The following SIPA1L2 variants were observed in gnomAD, a reference collection of about 807,000 sequenced individuals.
SIPA1L2 encodes signal-induced proliferation-associated 1-like protein 2.
SIPA1L2 carries 56 observed loss-of-function variants against 163.9 expected under a neutral mutation model. The observed-to-expected ratio is 0.34, with a 90% CI of 0.28 to 0.43. The LOEUF (loss-of-function observed/expected upper bound fraction) is 0.43, where lower values mean the gene tolerates loss of function less well. Among genes scored for constraint, SIPA1L2 ranks in the 20% least tolerant of loss-of-function variants. The pLI is 1.00. For synonymous variants in SIPA1L2, 877 were observed against 865.7 expected, an observed-to-expected ratio of 1.01 and a Z score of -0.23; for missense variants, 1,974 against 2,193.5, an observed-to-expected ratio of 0.90 and a Z score of 2.00.
chr1:232,498,243 G>T (rs1478431052), intron 3 of SIPA1L2, among the ~76,000 whole-genome samples: 1 of 152,116 alleles, frequency 6.6e-6, no homozygotes, highest in African/African-American at 2.4e-5. Context: ...CCTCAAGCAG[G>T]AATATCGAAA....
chr1:232,486,170 G>A (rs73095137), intron 5 of SIPA1L2, among the ~76,000 whole-genome samples: 1,601 of 152,230 alleles, frequency 0.011, 32 homozygotes, highest in African/African-American at 0.037. Flanking sequence ...GAGTAGAGCT[G>A]TTTGGGAGCC....
rs764448843 is a variant in SIPA1L2, at chr1:232,445,693, G to A, written c.3189C>T (p.Asn1063=). 6.8e-6 allele frequency: 11 copies of A among 1,613,526 alleles called. No individual in the cohort carries two copies. Among genetic ancestry groups the A allele is most frequent in the African/African-American group, 1.3e-5 (1 of 74,934 alleles). ...PCEYKTPFRR[N]TTWHRVPTPA... ...GAGTGGGCACCCGGTGCCACGTGGTGTTCCTCCTGAAGGGGGTTTTATACT... is the reference window on the plus strand; with the variant it reads ...GAGTGGGCACCCGGTGCCACGTGGTATTCCTCCTGAAGGGGGTTTTATACT... The change falls in exon 11 of 23, where the codon AAC becomes AAT. Residue 1063 remains asparagine (N), a synonymous_variant. Transcript: ENST00000674635.
chr1:232,443,899 C>T (rs1331452697), intron 11 of SIPA1L2, among the ~76,000 whole-genome samples: 1 of 152,046 alleles, frequency 6.6e-6, no homozygotes, highest in Non-Finnish European at 1.5e-5. Context: ...GCAATTTGTC[C>T]TAGGAAAGAG....
intron 3 of SIPA1L2, among the ~76,000 whole-genome samples, chr1:232,505,812 G>A (rs910539096): frequency 1.3e-5 from 2 of 152,126 alleles, no homozygotes; most frequent in Non-Finnish European, 1.5e-5. Context: ...GAACTCAGCC[G>A]ATTATGTCTT....
intron 1 of SIPA1L2, among the ~76,000 whole-genome samples, chr1:232,576,574 G>T (rs1403384382): frequency 6.6e-6 from 1 of 152,218 alleles, no homozygotes; most frequent in East Asian, 1.9e-4. Context: ...CAGCCTCTCC[G>T]TATTCAAGTA....
chr1:232,398,167 G>T lies in SIPA1L2; in HGVS notation c.*960C>A, dbSNP rs751918255. 16 of 152,688 alleles carry T rather than the reference G, an allele frequency of 1.0e-4. 1 individual carries two copies. The East Asian group carries it at 3.1e-3, about 29-fold the overall frequency. 9.5% of individuals were successfully genotyped at this position (152,688 alleles called of 1,614,324 possible). A position where few individuals can be genotyped will look rare whatever the true frequency, so the allele number is the denominator to read the frequency against. On this transcript the variant is annotated 3_prime_UTR_variant, in exon 23 of 23. Transcript: ENST00000674635. ...CCTGCAGCTACCTCCATCCCTCATC[G>T]TAGTGCAGGCCAAACCAAATTTTAT...
Position 232,532,333 on chromosome 1 carries a change from T to C in SIPA1L2, c.-269-16725A>G, listed in dbSNP as rs79245069. Among the ~76,000 whole-genome samples the C allele has an allele frequency of 2.7e-3, 414 of 152,294 alleles. 14 individuals carry two copies. In the East Asian group the frequency reaches 0.07, roughly 26 times the overall value. ...AGGATGAAGTTGACCTTTATTAAGATAGAGAAGATTGTAGAAGGGAGTAGC... is the reference window on the plus strand; with the variant it reads ...AGGATGAAGTTGACCTTTATTAAGACAGAGAAGATTGTAGAAGGGAGTAGC... On this transcript the variant is annotated intron_variant, in intron 2 of 22. Coordinates refer to ENST00000674635, the MANE Select transcript of SIPA1L2 (RefSeq NM_020808.5).
At chr1:232,595,619 G>A (rs1661219761) in intron 1 of SIPA1L2, among the ~76,000 whole-genome samples, 1 of 152,118 alleles carries the variant, frequency 6.6e-6, no homozygotes, top group Admixed American at 6.5e-5. Context: ...GTCATCTTTT[G>A]TGCTCCCCCA....
chr1:232,556,399 T>C (rs1658705119), intron 2 of SIPA1L2, among the ~76,000 whole-genome samples: 2 of 152,200 alleles, frequency 1.3e-5, no homozygotes, highest in South Asian at 2.1e-4. Flanking sequence ...CCAAAACTTC[T>C]TCTCTCCCTT....
chr1:232,492,755 C>T (rs1354280821), intron 4 of SIPA1L2, among the ~76,000 whole-genome samples: 1 of 152,126 alleles, frequency 6.6e-6, no homozygotes, highest in Admixed American at 6.5e-5. Context: ...CATCCCTGTA[C>T]CCCCACTGCA....
At chr1:232,529,724 A>C (rs1456170748) in intron 2 of SIPA1L2, among the ~76,000 whole-genome samples, 1 of 152,264 alleles carries the variant, frequency 6.6e-6, no homozygotes, top group African/African-American at 2.4e-5. Flanking sequence ...ATAGGGTGGC[A>C]AATCAGACAT....
intron 18 of SIPA1L2, among the ~76,000 whole-genome samples, chr1:232,420,630 T>C (rs1469997144): frequency 2.0e-5 from 3 of 151,806 alleles, no homozygotes; most frequent in South Asian, 2.1e-4. Flanking sequence ...GATCAGGAGA[T>C]GGAGACCATC....
At chr1:232,419,490 G>C (rs910733861) in intron 18 of SIPA1L2, among the ~76,000 whole-genome samples, 1 of 152,178 alleles carries the variant, frequency 6.6e-6, no homozygotes, top group African/African-American at 2.4e-5. Flanking sequence ...TTTGAGTCAT[G>C]GGTGGATCCC....
chr1:232,543,487 G>A (rs1310367898), intron 2 of SIPA1L2, among the ~76,000 whole-genome samples: 2 of 150,662 alleles, frequency 1.3e-5, no homozygotes, highest in Non-Finnish European at 2.9e-5. Flanking sequence ...TTTCTTTATA[G>A]GATCCACTTC....
At chr1:232,462,259 C>T (rs1296421755) in intron 9 of SIPA1L2, 4 of 1,550,816 alleles carry the variant, frequency 2.6e-6, no homozygotes, top group African/African-American at 2.7e-5. Flanking sequence ...TGACTATGAC[C>T]TCACCTATCT....
At chr1:232,510,301 A>G (rs903747043) in intron 3 of SIPA1L2, among the ~76,000 whole-genome samples, 2 of 152,114 alleles carry the variant, frequency 1.3e-5, no homozygotes, top group Admixed American at 6.6e-5. Context: ...TGTTCACGCA[A>G]TGACGAAATT....
intron 1 of SIPA1L2, among the ~76,000 whole-genome samples, chr1:232,606,441 A>G (rs757469928): frequency 2.3e-4 from 35 of 152,298 alleles, no homozygotes; most frequent in Non-Finnish European, 4.1e-4. Flanking sequence ...GCTTTCAGAA[A>G]TAAGCCGAGA....
chr1:232,605,212 C>T (rs748481336), intron 1 of SIPA1L2, among the ~76,000 whole-genome samples: 6 of 152,234 alleles, frequency 3.9e-5, no homozygotes, highest in Middle Eastern at 3.4e-3. Context: ...CGGGGTTTCT[C>T]CATGTTGCCC....
chr1:232,595,481 C>T (rs116058827), intron 1 of SIPA1L2, among the ~76,000 whole-genome samples: 2,998 of 152,268 alleles, frequency 0.02, 52 homozygotes, highest in Non-Finnish European at 0.029. Flanking sequence ...ACTGCTGCAC[C>T]GGGCGGCTTC....
Sources: gnomAD v4.1 joint callset for allele counts (sites outside exome capture counted in the v4.1 genomes callset) on GRCh38, gnomAD v4.1.1 for gene constraint, MANE v1.5 for transcripts, NCBI Gene and HGNC (gene_info 2026-07-23, HGNC 2026-07-21) for gene names.